The following DCDC2 variants were observed in gnomAD, a reference collection of about 807,000 sequenced individuals.
DCDC2 encodes doublecortin domain containing 2.
In DCDC2, 40 loss-of-function variants were observed where a neutral mutation model predicts 50.2. The ratio of observed to expected loss-of-function variants is 0.80; its 90% CI spans 0.62 to 1.04. The LOEUF is 1.04. Ranked by LOEUF, DCDC2 falls within the 50% of genes least tolerant of loss-of-function variation. The pLI is 0.00. For missense variants in DCDC2, 570 were observed against 581.9 expected, an observed-to-expected ratio of 0.98 and a Z score of 0.21; for synonymous variants, 234 against 210.6, an observed-to-expected ratio of 1.11 and a Z score of -0.96.
At chr6:24,209,612 TTC>T (rs1275979602) in intron 7 of DCDC2, among the ~76,000 whole-genome samples, 1 of 152,126 alleles carries the variant, frequency 6.6e-6, no homozygotes, top group Non-Finnish European at 1.5e-5. Context: ...CATTCAGGAG[TTC>T]TGAGTCCCCT....
intron 8 of DCDC2, among the ~76,000 whole-genome samples, chr6:24,199,592 G>T (rs1187202666): frequency 2.0e-5 from 3 of 152,128 alleles, no homozygotes; most frequent in Non-Finnish European, 4.4e-5. Flanking sequence ...CCAAAAACCA[G>T]AAAGCCTTTT....
chr6:24,359,531 A>ATTT (rs1217390185), upstream of DCDC2, among the ~76,000 whole-genome samples: 9 of 100,552 alleles, frequency 9.0e-5, no homozygotes, highest in African/African-American at 3.3e-4. Flanking sequence ...TTTTATATAT[A>ATTT]TTTTTTATAT....
At chr6:24,248,592 T>C (rs1216593985) in intron 7 of DCDC2, among the ~76,000 whole-genome samples, 3 of 152,142 alleles carry the variant, frequency 2.0e-5, no homozygotes, top group Admixed American at 1.3e-4. Flanking sequence ...TATACGTGGT[T>C]AAGCAAAGGT....
At chr6:24,358,897 A>AT (rs1561788467), upstream of DCDC2, among the ~76,000 whole-genome samples, 219 of 18,226 alleles carry the variant, frequency 0.012, 8 homozygotes, top group African/African-American at 0.088. Flanking sequence ...ATTTATATAT[A>AT]TAATATATTA....
chr6:24,349,070 T>C (rs553400408), intron 2 of DCDC2, among the ~76,000 whole-genome samples: 1 of 152,252 alleles, frequency 6.6e-6, no homozygotes, highest in East Asian at 1.9e-4. Context: ...AAAAAGAATG[T>C]CATTATTTGA....
At chr6:24,296,960 G>A (rs1445549261) in intron 4 of DCDC2, among the ~76,000 whole-genome samples, 1 of 152,104 alleles carries the variant, frequency 6.6e-6, no homozygotes, top group African/African-American at 2.4e-5. Flanking sequence ...TCCCATTACT[G>A]GGTATACACC....
intron 7 of DCDC2, among the ~76,000 whole-genome samples, chr6:24,215,759 C>T (rs1251277319): frequency 2.0e-5 from 3 of 152,184 alleles, no homozygotes; most frequent in African/African-American, 7.2e-5. Flanking sequence ...GCATCAGCAC[C>T]ACTCCCGGCT....
chr6:24,381,914 AAGAG>A, the DCDC2 span, among the ~76,000 whole-genome samples: 2 of 148,244 alleles, frequency 1.3e-5, no homozygotes, highest in East Asian at 4.1e-4. Flanking sequence ...GGAGAAAGAA[AAGAG>A]AGAAAGAGAA....
chr6:24,209,150 ACAAAGT>A (rs1030934670), intron 7 of DCDC2, among the ~76,000 whole-genome samples: 3 of 152,240 alleles, frequency 2.0e-5, no homozygotes, highest in African/African-American at 7.2e-5. Flanking sequence ...CATTTCATGG[ACAAAGT>A]CAAAGATAAA....
At chr6:24,361,249 A>T (rs960448385), upstream of DCDC2, among the ~76,000 whole-genome samples, 10 of 152,270 alleles carry the variant, frequency 6.6e-5, no homozygotes, top group African/African-American at 1.9e-4. Context: ...AAAGAAGGGA[A>T]CAACAGATAC....
intron 4 of DCDC2, among the ~76,000 whole-genome samples, chr6:24,293,513 A>G (rs868204766): frequency 6.6e-6 from 1 of 152,198 alleles, no homozygotes; most frequent in Non-Finnish European, 1.5e-5. Flanking sequence ...CGCACCCAAC[A>G]CAGGAGCACC....
At chr6:24,235,188 T>C (rs1346100553) in intron 7 of DCDC2, among the ~76,000 whole-genome samples, 1 of 152,222 alleles carries the variant, frequency 6.6e-6, no homozygotes, top group Non-Finnish European at 1.5e-5. Flanking sequence ...ATCTTTCAGA[T>C]TGAGGGGGGC....
At chr6:24,285,667 T>C (rs1763588263) in intron 6 of DCDC2, among the ~76,000 whole-genome samples, 1 of 152,320 alleles carries the variant, frequency 6.6e-6, no homozygotes, top group Admixed American at 6.5e-5. Flanking sequence ...GAGCAAGAAA[T>C]AAAAATTGCA....
At chr6:24,223,154 T>C (rs187787608) in intron 7 of DCDC2, among the ~76,000 whole-genome samples, 30 of 152,342 alleles carry the variant, frequency 2.0e-4, no homozygotes, top group African/African-American at 6.5e-4. Flanking sequence ...CATAATATCA[T>C]TGAAACTGTG....
chr6:24,205,058 C>G lies in DCDC2; in HGVS notation c.967G>C (p.Gly323Arg), dbSNP rs146587418. The G allele has an allele frequency of 1.4e-5, 23 of 1,614,090 alleles. No homozygotes were observed. Among genetic ancestry groups the G allele is most frequent in the South Asian group, 1.3e-4 (12 of 91,070 alleles). Residue 323 changes from glycine to arginine, a missense_variant, in exon 8 of 10, where the codon GGG becomes CGG. Transcript: ENST00000378454. ...TCATCTTCTTGGACTTCTGCTGCCC[C>G]CCGTGTTTCAGACCTCTCTGCTCCA... ...KAGAERSETR[G>R]AAEVQEDEDT...
At chr6:24,206,779 A>G (rs1429435690) in intron 7 of DCDC2, among the ~76,000 whole-genome samples, 1 of 152,260 alleles carries the variant, frequency 6.6e-6, no homozygotes, top group Admixed American at 6.5e-5. Flanking sequence ...AATGACAACC[A>G]TAAGGATATA....
upstream of DCDC2, among the ~76,000 whole-genome samples, chr6:24,360,656 C>G (rs1337973223): frequency 6.6e-6 from 1 of 152,168 alleles, no homozygotes; most frequent in Non-Finnish European, 1.5e-5. Flanking sequence ...TGAAATTTTG[C>G]AGCTCATCTC....
chr6:24,311,892 C>A (rs1332857287), intron 2 of DCDC2, among the ~76,000 whole-genome samples: 1 of 152,178 alleles, frequency 6.6e-6, no homozygotes, highest in Non-Finnish European at 1.5e-5. Flanking sequence ...GATGTCAGGC[C>A]TCTGAGCCCA....
At chr6:24,360,293 G>GATCATGCGCTCATTC (rs970401236), upstream of DCDC2, among the ~76,000 whole-genome samples, 4 of 152,216 alleles carry the variant, frequency 2.6e-5, no homozygotes, top group Non-Finnish European at 4.4e-5. Flanking sequence ...CAGGTGACAT[G>GATCATGCGCTCATTC]ATCATGCGCT....
Sources: allele counts gnomAD v4.1 joint callset (sites outside exome capture counted in the v4.1 genomes callset), GRCh38; gene constraint gnomAD v4.1.1; transcripts MANE v1.5; gene names NCBI Gene and HGNC (gene_info 2026-07-23, HGNC 2026-07-21).